The following SLX4IP variants were observed in gnomAD, a reference collection of about 807,000 sequenced individuals.
The protein encoded by SLX4IP is SLX4 interacting protein, also known as protein SLX4IP.
Under a neutral mutation model 32.9 loss-of-function variants are expected in SLX4IP, and 34 were observed. The ratio of observed to expected loss-of-function variants is 1.03; its 90% CI spans 0.79 to 1.38. The LOEUF (loss-of-function observed/expected upper bound fraction) is 1.38, where lower values mean the gene tolerates loss of function less well. SLX4IP is among the 40% of genes most tolerant of loss of function. The pLI, the probability that SLX4IP is intolerant of heterozygous loss-of-function variation, is 0.00. For missense variants in SLX4IP, 444 were observed against 479.0 expected, an observed-to-expected ratio of 0.93 and a Z score of 0.68; for synonymous variants, 172 against 171.7, an observed-to-expected ratio of 1.00 and a Z score of -0.01.
At chr20:10,477,193 C>T (rs374414011) in intron 2 of SLX4IP, among the ~76,000 whole-genome samples, 5 of 151,884 alleles carry the variant, frequency 3.3e-5, no homozygotes, top group South Asian at 2.1e-4. Flanking sequence ...GACGGAGTTT[C>T]GCTCTTTTAG....
intron 6 of SLX4IP, among the ~76,000 whole-genome samples, chr20:10,619,787 GAT>G (rs1025767842): frequency 7.9e-5 from 12 of 151,968 alleles, no homozygotes; most frequent in Non-Finnish European, 1.3e-4. Context: ...GATTCCTCTC[GAT>G]CTCTCTCTTT....
intron 1 of SLX4IP, among the ~76,000 whole-genome samples, chr20:10,453,842 T>G (rs2065263632): frequency 6.6e-6 from 1 of 152,148 alleles, no homozygotes. Flanking sequence ...CCTCCTATAT[T>G]GGTCTTTTAA....
intron 4 of SLX4IP, among the ~76,000 whole-genome samples, chr20:10,588,550 G>A (rs1458503610): frequency 1.3e-5 from 2 of 152,164 alleles, no homozygotes; most frequent in East Asian, 1.9e-4. Context: ...TGTGCTGTAT[G>A]TATACAATGG....
intron 2 of SLX4IP, among the ~76,000 whole-genome samples, chr20:10,475,137 A>G (rs1350413011): frequency 6.6e-6 from 1 of 152,244 alleles, no homozygotes; most frequent in East Asian, 1.9e-4. Context: ...GAAGCACTGC[A>G]TTCTGTGGAG....
At chr20:10,518,475 T>C (rs1483306155) in intron 2 of SLX4IP, among the ~76,000 whole-genome samples, 52 of 41,568 alleles carry the variant, frequency 1.3e-3, no homozygotes, top group Non-Finnish European at 2.8e-3. Flanking sequence ...TTCCTTTCTT[T>C]TCCTTTCCTT....
chr20:10,496,511 C>T (rs1307516487), intron 2 of SLX4IP, among the ~76,000 whole-genome samples: 2 of 152,132 alleles, frequency 1.3e-5, no homozygotes, highest in South Asian at 4.1e-4. Context: ...GGTGGACCTA[C>T]CATCAGGGAC....
In SLX4IP at chr20:10,623,096, G is replaced by A; in HGVS notation, c.944G>A (p.Ser315Asn). 4.3e-6 allele frequency: 7 copies of A among 1,614,230 alleles called. No individual in the cohort carries two copies. The highest frequency in any genetic ancestry group is 5.9e-6 in the Non-Finnish European group (7 of 1,180,044). The change falls in exon 8 of 8, where the codon AGT becomes AAT. Residue 315 changes from serine to asparagine, a missense_variant. Coordinates refer to ENST00000334534, the MANE Select transcript of SLX4IP (RefSeq NM_001009608.3). ...CACCACGGGAGAGTTTCTCTTGGAA[G>A]TGATCGATTAGTCCCGAGAGAAATA... ...FDHHGRVSLG[S>N]DRLVPREIIV...
intron 2 of SLX4IP, among the ~76,000 whole-genome samples, chr20:10,532,196 CTG>C (rs1568726932): frequency 3.9e-5 from 6 of 152,030 alleles, no homozygotes; most frequent in African/African-American, 1.4e-4. Flanking sequence ...GAACTTTCAT[CTG>C]TATTTAATTT....
intron 6 of SLX4IP, among the ~76,000 whole-genome samples, chr20:10,612,595 G>T (rs1175586582): frequency 4.6e-5 from 7 of 152,138 alleles, no homozygotes; most frequent in Admixed American, 1.3e-4. Flanking sequence ...GCCCATGCTG[G>T]AGTGCAGTGG....
intron 4 of SLX4IP, among the ~76,000 whole-genome samples, chr20:10,585,482 G>C (rs889786397): frequency 2.0e-5 from 3 of 152,096 alleles, no homozygotes; most frequent in African/African-American, 7.2e-5. Flanking sequence ...TGCTTCAGTA[G>C]ATCTGCAGCC....
intron 1 of SLX4IP, among the ~76,000 whole-genome samples, chr20:10,445,710 C>A (rs1474180763): frequency 6.6e-6 from 1 of 151,418 alleles, no homozygotes; most frequent in Non-Finnish European, 1.5e-5. Context: ...CTGCAACCTC[C>A]GCCTCCTGAG....
rs895088111 is a variant in SLX4IP, at chr20:10,623,023, A to G, written c.871A>G (p.Lys291Glu). 6.2e-7 allele frequency: 1 copy of G among 1,614,108 alleles called. No homozygotes were observed. The highest frequency in any genetic ancestry group is 8.5e-7 in the Non-Finnish European group (1 of 1,180,032). Reference sequence around the variant, plus strand: ...TCCAAAACAAAGTCCACGAGTGGCCAAAACCCAACAGAAACGCAGGAACTG... The same window carrying G: ...TCCAAAACAAAGTCCACGAGTGGCCGAAACCCAACAGAAACGCAGGAACTG... ...PCPKQSPRVA[K>E]TQQKRRNCSS... is the part of the protein sequence containing the mutation. The change falls in exon 8 of 8, where the codon AAA becomes GAA. Residue 291 changes from lysine (K) to glutamate (E), a missense_variant. Physicochemically the swap from Lys to Glu is moderately conservative, Grantham distance 56 (BLOSUM62 1). Coordinates refer to ENST00000334534, the MANE Select transcript of SLX4IP (RefSeq NM_001009608.3).
chr20:10,550,622 C>G (rs922923802), intron 2 of SLX4IP, among the ~76,000 whole-genome samples: 7 of 152,200 alleles, frequency 4.6e-5, no homozygotes, highest in Non-Finnish European at 8.8e-5. Flanking sequence ...AGAGAGCCCT[C>G]CAGCCCACCA....
At chr20:10,578,312 C>G (rs1252479683) in intron 4 of SLX4IP, among the ~76,000 whole-genome samples, 3 of 152,222 alleles carry the variant, frequency 2.0e-5, no homozygotes, top group Non-Finnish European at 4.4e-5. Flanking sequence ...CTGGACATTT[C>G]ATACAAATAG....
At chr20:10,507,370 G>A in intron 2 of SLX4IP, among the ~76,000 whole-genome samples, 1 of 152,166 alleles carries the variant, frequency 6.6e-6, no homozygotes, top group East Asian at 1.9e-4. Flanking sequence ...CCTTTAAAGT[G>A]GGGAGATGAG....
intron 1 of SLX4IP, among the ~76,000 whole-genome samples, chr20:10,440,529 G>T (rs757110524): frequency 2.2e-4 from 33 of 151,910 alleles, no homozygotes; most frequent in Non-Finnish European, 2.9e-5. Context: ...TTATTCTTGG[G>T]TATGTAGTTT....
chr20:10,608,631 A>G (rs2066931674), intron 6 of SLX4IP, among the ~76,000 whole-genome samples: 1 of 144,650 alleles, frequency 6.9e-6, no homozygotes, highest in African/African-American at 2.6e-5. Flanking sequence ...CCGAGATTGC[A>G]CCACTGCACT....
intron 1 of SLX4IP, among the ~76,000 whole-genome samples, chr20:10,446,810 C>T (rs1295153362): frequency 1.3e-5 from 2 of 152,048 alleles, no homozygotes; most frequent in African/African-American, 4.8e-5. Flanking sequence ...TCTGATTGGA[C>T]TGTTGCTTTT....
chr20:10,558,591 G>GA (rs2066295332), intron 3 of SLX4IP, among the ~76,000 whole-genome samples: 1 of 151,968 alleles, frequency 6.6e-6, no homozygotes, highest in Non-Finnish European at 1.5e-5. Flanking sequence ...TTCCTTTTTA[G>GA]AAAAAAGAAC....
Sources: allele counts gnomAD v4.1 joint callset (sites outside exome capture counted in the v4.1 genomes callset), GRCh38; gene constraint gnomAD v4.1.1; transcripts MANE v1.5; gene names NCBI Gene and HGNC (gene_info 2026-07-23, HGNC 2026-07-21).